Variants in MYOCD observed in about 807,000 individuals in gnomAD.
The protein encoded by MYOCD is myocardin.
A neutral mutation model predicts 96.1 loss-of-function variants in MYOCD; 32 were observed. The observed-to-expected ratio is 0.33, with a 90% CI of 0.25 to 0.45. MYOCD has a LOEUF of 0.45. MYOCD is among the 20% of genes least tolerant of loss of function. The probability of loss-of-function intolerance (pLI) is 1.00; values close to 1 mark genes in which losing one functional copy is unlikely to be tolerated. For synonymous variants in MYOCD, 469 were observed against 469.0 expected, an observed-to-expected ratio of 1.00 and a Z score of 0.00; for missense variants, 1,133 against 1,200.6, an observed-to-expected ratio of 0.94 and a Z score of 0.83.
rs545690542 is a variant in MYOCD at position 12,693,683 on chromosome 17, T to C, written c.56-11445T>C. On this transcript the variant is annotated intron_variant, in intron 1 of 13. Coordinates refer to ENST00000425538, the MANE Select transcript of MYOCD (RefSeq NM_001146312.3). ...TAAAATAAAATAAAATAAAATAAAA[T>C]AAGGTGCTCCCTACCAGACATGAAA... 2.2e-4 allele frequency among the ~76,000 whole-genome samples: 33 copies of C among 147,090 alleles called. No homozygotes were observed. The South Asian group carries it at 7.0e-3, about 31-fold the overall frequency.
Position 12,767,941 on chromosome 17 carries a change from T to C in MYOCD, c.*4297T>C, listed in dbSNP as rs1204421502. On this transcript the variant is annotated 3_prime_UTR_variant, in exon 14 of 14. Coordinates refer to ENST00000425538, the MANE Select transcript of MYOCD (RefSeq NM_001146312.3). ...CTCTGGCCCTTAAAAGAAAATCATC[T>C]AAGAATATGAAGGCAATTTGATTTC... The C allele has an allele frequency of 6.6e-6, 1 of 152,156 alleles. No individual in the cohort carries two copies. Among genetic ancestry groups the C allele is most frequent in the Admixed American group, 6.5e-5 (1 of 15,284 alleles). 9.4% of individuals were successfully genotyped at this position (152,156 alleles called of 1,614,324 possible).
Position 12,705,149 on chromosome 17 carries a change from A to G in MYOCD, c.77A>G (p.Gln26Arg), listed in dbSNP as rs1216549408. Reference sequence around the variant, plus strand: ...TAAGTTTTACAGTTAAGACTTCAACAAAGAAGGACCCAGGAACAACTGGCT... The same window carrying G: ...TAAGTTTTACAGTTAAGACTTCAACGAAGAAGGACCCAGGAACAACTGGCT... ...FRSVLQLRLQ[Q>R]RRTQEQLANQ... The change falls in exon 2 of 14, where the codon CAA (glutamine) becomes CGA (arginine). Residue 26 changes from glutamine to arginine, a missense_variant. Coordinates refer to ENST00000425538, the MANE Select transcript of MYOCD (RefSeq NM_001146312.3). The G allele has an allele frequency of 2.5e-6, 4 of 1,613,534 alleles. No homozygotes were observed. Among genetic ancestry groups the G allele is most frequent in the Non-Finnish European group, 3.4e-6 (4 of 1,179,604 alleles).
At chr17:12,705,059 G>A (rs1349015277) in intron 1 of MYOCD, 69 bp from the exon 2 acceptor site, 2 of 943,116 alleles carry the variant, frequency 2.1e-6, no homozygotes, top group Non-Finnish European at 3.4e-6. Context: ...ATCTATGAAT[G>A]TGTAATGAAA....
intron 5 of MYOCD, among the ~76,000 whole-genome samples, chr17:12,731,250 C>T (rs778224495): frequency 2.0e-5 from 3 of 152,160 alleles, no homozygotes; most frequent in Non-Finnish European, 2.9e-5. Context: ...GATAAGGTGA[C>T]CTTTGTCCCT....
chr17:12,730,142 A>G (rs1017994929), intron 5 of MYOCD, among the ~76,000 whole-genome samples: 1 of 151,738 alleles, frequency 6.6e-6, no homozygotes, highest in Admixed American at 6.6e-5. Context: ...GTGAGACCCT[A>G]TCTCTCAAAA....
At chr17:12,756,697 A>AC in intron 11 of MYOCD, 140 bp downstream of exon 11, 1 of 152,502 alleles carries the variant, frequency 6.6e-6, no homozygotes, top group Non-Finnish European at 1.3e-5. Context: ...CTGCATCTCA[A>AC]AAAAAAAAAA....
At chr17:12,721,548 G>T (rs2031841043) in intron 4 of MYOCD, among the ~76,000 whole-genome samples, 1 of 152,080 alleles carries the variant, frequency 6.6e-6, no homozygotes, top group Non-Finnish European at 1.5e-5. Flanking sequence ...AAGGTGCAAA[G>T]GTGAATGCAG....
chr17:12,737,998 T>C (rs1035827936), intron 6 of MYOCD, among the ~76,000 whole-genome samples: 1 of 152,242 alleles, frequency 6.6e-6, no homozygotes, highest in Non-Finnish European at 1.5e-5. Flanking sequence ...CAAATTTCTT[T>C]GATAACATCA....
At chr17:12,719,174 C>CAAAAAAAAAAAAAAA (rs71144920) in intron 4 of MYOCD, among the ~76,000 whole-genome samples, 35 of 49,152 alleles carry the variant, frequency 7.1e-4, no homozygotes, top group East Asian at 1.8e-3. Context: ...GACTCTGTCT[C>CAAAAAAAAAAAAAAA]AAAAAAAAAA....
rs762946949 is a variant in MYOCD at position 12,746,099 on chromosome 17, C to CT, written c.1125+34dup. Reference sequence around the variant, plus strand: ...TATAGGATTTGACATGAGTTTCTTTCTTTTTTTAAACAAATACAACAGTAT... The same window carrying CT: ...TATAGGATTTGACATGAGTTTCTTTCTTTTTTTTAAACAAATACAACAGTAT... On this transcript the variant is annotated intron_variant, in intron 9 of 13. Transcript: ENST00000425538. 442 of 1,609,410 alleles carry CT rather than the reference C, an allele frequency of 2.7e-4. 2 individuals are homozygous for CT. Among genetic ancestry groups the CT allele is most frequent in the Middle Eastern group, 3.3e-4 (2 of 6,048 alleles).
At chr17:12,707,021 A>G (rs956155186) in intron 2 of MYOCD, among the ~76,000 whole-genome samples, 4 of 152,140 alleles carry the variant, frequency 2.6e-5, no homozygotes, top group African/African-American at 7.2e-5. Context: ...AAAAGTGTCC[A>G]AGTCACGGCT....
In MYOCD at chr17:12,752,778, T is replaced by C; in HGVS notation, c.1490T>C (p.Leu497Pro). Reference protein sequence around the residue: ...SPVHVCTEESLMSSLNGGSVP... With the variant: ...SPVHVCTEESPMSSLNGGSVP... ...GTCCACGTGTGCACGGAGGAAAGTC[T>C]CATGAGCAGCCTGAATGGGGGCTCT... is the stretch of plus-strand genomic sequence containing the variant. Residue 497 changes from leucine (L) to proline (P), a missense_variant, in exon 10 of 14, where the codon CTC (leucine) becomes CCC (proline). Physicochemically the swap from Leu to Pro is moderately conservative, Grantham distance 98. Coordinates refer to ENST00000425538, the MANE Select transcript of MYOCD (RefSeq NM_001146312.3). The C allele has an allele frequency of 6.2e-7, 1 of 1,613,990 alleles. No homozygotes were observed. Among genetic ancestry groups the C allele is most frequent in the Non-Finnish European group, 8.5e-7 (1 of 1,180,002 alleles).
chr17:12,735,971 C>T (rs1287137734), intron 5 of MYOCD, among the ~76,000 whole-genome samples, 190 bp from the exon 6 acceptor site: 1 of 152,214 alleles, frequency 6.6e-6, no homozygotes, highest in Non-Finnish European at 1.5e-5. Context: ...AGCACTCTTT[C>T]CTCCATGCCA....
intron 1 of MYOCD, among the ~76,000 whole-genome samples, chr17:12,698,729 C>CTTTTTTTTTTTTTT (rs55758881): frequency 3.1e-5 from 2 of 64,082 alleles, no homozygotes; most frequent in Non-Finnish European, 5.4e-5. Context: ...ACCAGACCCT[C>CTTTTTTTTTTTTTT]TTTTTTTTTT....
chr17:12,732,294 C>T (rs988676294), intron 5 of MYOCD, among the ~76,000 whole-genome samples: 1 of 152,170 alleles, frequency 6.6e-6, no homozygotes, highest in African/African-American at 2.4e-5. Context: ...TGTCATCCTC[C>T]CCAACCCAAG....
chr17:12,751,157 G>T (rs941268256), intron 9 of MYOCD, among the ~76,000 whole-genome samples: 15 of 151,890 alleles, frequency 9.9e-5, no homozygotes, highest in African/African-American at 3.6e-4. Context: ...TATGTTTCCT[G>T]TTTTAATTAC....
chr17:12,702,227 C>G (rs2031103829), intron 1 of MYOCD, among the ~76,000 whole-genome samples: 1 of 151,884 alleles, frequency 6.6e-6, no homozygotes, highest in Non-Finnish European at 1.5e-5. Flanking sequence ...AGGTTCTGTT[C>G]TTAAATGCAT....
chr17:12,756,096 TGCTGCCGGAGGTCCA>T (rs2033003957), intron 10 of MYOCD, among the ~76,000 whole-genome samples: 1 of 152,118 alleles, frequency 6.6e-6, no homozygotes, highest in Non-Finnish European at 1.5e-5. Flanking sequence ...GTACAGGGCA[TGCTGCCGGAGGTCCA>T]TGGCGGGAAT....
chr17:12,736,426 G>A, intron 6 of MYOCD, 90 bp downstream of exon 6: 1 of 1,376,542 alleles, frequency 7.3e-7, no homozygotes, highest in Non-Finnish European at 9.9e-7. Flanking sequence ...TTAACAGCTG[G>A]TTTTGCTTAG....
Sources: gnomAD v4.1 joint callset for allele counts (sites outside exome capture counted in the v4.1 genomes callset) on GRCh38, gnomAD v4.1.1 for gene constraint, MANE v1.5 for transcripts, NCBI Gene and HGNC (gene_info 2026-07-23, HGNC 2026-07-21) for gene names.